Variants in P4HA1 observed in about 807,000 individuals in gnomAD.
P4HA1 encodes prolyl 4-hydroxylase subunit alpha 1, also known as prolyl 4-hydroxylase subunit alpha-1.
In P4HA1, 24 loss-of-function variants were observed where a neutral mutation model predicts 72.8. That is an observed-to-expected ratio of 0.33 (90% CI 0.24 to 0.46). The LOEUF (loss-of-function observed/expected upper bound fraction) is 0.46. Ranked by LOEUF, P4HA1 falls within the 20% of genes least tolerant of loss-of-function variation. P4HA1 has a pLI of 1.00. For missense variants in P4HA1, 446 were observed against 640.6 expected (o/e 0.70, Z 3.28); for synonymous variants, 201 against 218.8 (o/e 0.92, Z 0.72).
intron 5 of P4HA1, among the ~76,000 whole-genome samples, chr10:73,055,558 C>G (rs982035544): frequency 6.6e-6 from 1 of 152,154 alleles, no homozygotes; most frequent in Non-Finnish European, 1.5e-5. Flanking sequence ...TGTCTTTTCA[C>G]TCTCTTGATG....
At chr10:73,080,428 C>CA (rs1841796927) in intron 1 of P4HA1, among the ~76,000 whole-genome samples, 1 of 152,194 alleles carries the variant, frequency 6.6e-6, no homozygotes, top group Admixed American at 6.5e-5. Flanking sequence ...CTGGATACAG[C>CA]AAACAACCCT....
chr10:73,080,853 G>C (rs1554843023), intron 1 of P4HA1, among the ~76,000 whole-genome samples: 1 of 152,108 alleles, frequency 6.6e-6, no homozygotes. Context: ...ACTTGAACCC[G>C]GGAGGTGGAG....
At chr10:73,020,745 G>A (rs1840116171) in intron 10 of P4HA1, among the ~76,000 whole-genome samples, 1 of 152,152 alleles carries the variant, frequency 6.6e-6, no homozygotes, top group Non-Finnish European at 1.5e-5. Flanking sequence ...TTTATTTGTG[G>A]GGTGCAAGGT....
intron 10 of P4HA1, among the ~76,000 whole-genome samples, chr10:73,018,884 T>A (rs778589569): frequency 2.0e-5 from 3 of 151,998 alleles, no homozygotes; most frequent in Non-Finnish European, 2.9e-5. Context: ...GCAACCTACA[T>A]CCAACCCTGC....
At chr10:73,035,606 A>AACC (rs1840550848) in intron 9 of P4HA1, among the ~76,000 whole-genome samples, 1 of 152,200 alleles carries the variant, frequency 6.6e-6, no homozygotes, top group African/African-American at 2.4e-5. Context: ...ATAATAGGTT[A>AACC]TTTCTAATTT....
At position 73,074,885 on chromosome 10, in the gene P4HA1, T is replaced by C. The variant is rs1433907788; in HGVS notation, c.-2A>G. On this transcript the variant is annotated 5_prime_UTR_variant, in exon 2 of 15. Transcript: ENST00000394890. ...TATAATTAATATATACCAGATCATC[T>C]TGGAAGATTTAATTTTACAGGATCA... 7.1e-6 allele frequency: 10 copies of C among 1,410,936 alleles called. No homozygotes were observed. In the East Asian group the frequency reaches 2.3e-4, roughly 32 times the overall value. The allele number at this position is 1,410,936 out of a possible 1,614,324, so 87.4% of individuals were successfully genotyped here. A position where few individuals can be genotyped will look rare whatever the true frequency, so the allele number is the denominator to read the frequency against.
At chr10:73,030,192 G>A in intron 10 of P4HA1, 79 bp downstream of exon 10, 1 of 598,086 alleles carries the variant, frequency 1.7e-6, no homozygotes, top group Non-Finnish European at 2.8e-6. Context: ...ATTGAGGACT[G>A]CCTGTTCAGT....
At chr10:73,018,292 T>C (rs890282190) in intron 10 of P4HA1, among the ~76,000 whole-genome samples, 2 of 152,128 alleles carry the variant, frequency 1.3e-5, no homozygotes, top group African/African-American at 2.4e-5. Context: ...CCTTGGGGAA[T>C]TGTTGCACTG....
At chr10:73,067,419 C>T (rs898472947) in intron 5 of P4HA1, among the ~76,000 whole-genome samples, 9 of 152,076 alleles carry the variant, frequency 5.9e-5, no homozygotes, top group African/African-American at 1.7e-4. Context: ...TTAATAGCTC[C>T]GCACTGCACT....
At chr10:73,091,018 G>C (rs1234347381) in intron 1 of P4HA1, among the ~76,000 whole-genome samples, 9 of 133,330 alleles carry the variant, frequency 6.8e-5, no homozygotes, top group Non-Finnish European at 1.2e-4. Flanking sequence ...CCGAGATTGC[G>C]CCACTGCACT....
chr10:73,038,123 T>G (rs1222153964), intron 9 of P4HA1, among the ~76,000 whole-genome samples: 2 of 151,940 alleles, frequency 1.3e-5, no homozygotes, highest in Non-Finnish European at 2.9e-5. Flanking sequence ...GGCATGGTGG[T>G]GTGCACCCGT....
chr10:73,080,470 T>G (rs1185649971), intron 1 of P4HA1, among the ~76,000 whole-genome samples: 2 of 152,266 alleles, frequency 1.3e-5, no homozygotes, highest in East Asian at 3.8e-4. Context: ...AAATAGATTT[T>G]ACTTCAATTT....
At chr10:73,027,809 GAAGGAAGGAAGGGAGAGAGA>G (rs1221626841) in intron 10 of P4HA1, among the ~76,000 whole-genome samples, 11 of 133,100 alleles carry the variant, frequency 8.3e-5, no homozygotes, top group Non-Finnish European at 1.4e-4. Context: ...AGGAAATATG[GAAGGAAGGAAGGGAGAGAGA>G]GAGGAAGGAA....
At chr10:73,061,892 A>T (rs185495979) in intron 5 of P4HA1, among the ~76,000 whole-genome samples, 82 of 152,294 alleles carry the variant, frequency 5.4e-4, no homozygotes, top group Admixed American at 5.2e-4. Context: ...GGTGGCACGC[A>T]CCTATAGTCC....
At chr10:73,054,951 C>T (rs1841105000) in intron 5 of P4HA1, among the ~76,000 whole-genome samples, 1 of 152,068 alleles carries the variant, frequency 6.6e-6, no homozygotes, top group Admixed American at 6.6e-5. Context: ...GGTGGCTAGG[C>T]ACGGTGGTTT....
chr10:73,009,933 A>G (rs200640345), intron 13 of P4HA1, 30 bp from the exon 14 acceptor site: 1 of 1,203,208 alleles, frequency 8.3e-7, no homozygotes, highest in East Asian at 2.3e-5. Flanking sequence ...ATTATCCCCA[A>G]GTATACAATG....
chr10:73,055,632 T>C (rs1172018472), intron 5 of P4HA1, among the ~76,000 whole-genome samples: 1 of 152,262 alleles, frequency 6.6e-6, no homozygotes, highest in Non-Finnish European at 1.5e-5. Flanking sequence ...GCTTTTGGTG[T>C]TATTATGTCA....
At chr10:73,069,479 CA>C (rs1841499489) in intron 4 of P4HA1, among the ~76,000 whole-genome samples, 1 of 151,900 alleles carries the variant, frequency 6.6e-6, no homozygotes, top group African/African-American at 2.4e-5. Flanking sequence ...TGGAATTCTT[CA>C]AGGAGAAGGA....
chr10:73,046,723 G>A (rs1409206308), intron 8 of P4HA1, among the ~76,000 whole-genome samples: 1 of 144,576 alleles, frequency 6.9e-6, no homozygotes, highest in African/African-American at 2.8e-5. Context: ...TTAAAACCCA[G>A]TTAAGGGTAC....
Sources: gnomAD v4.1 joint callset for allele counts (sites outside exome capture counted in the v4.1 genomes callset) on GRCh38, gnomAD v4.1.1 for gene constraint, MANE v1.5 for transcripts, NCBI Gene and HGNC (gene_info 2026-07-23, HGNC 2026-07-21) for gene names.